Variants in BCL2A1 observed in about 807,000 individuals in gnomAD.
BCL2A1 encodes BCL2 related protein A1.
BCL2A1 carries 10 observed loss-of-function variants against 14.4 expected under a neutral mutation model. That is an observed-to-expected ratio of 0.69 (90% CI 0.43 to 1.18). The LOEUF (loss-of-function observed/expected upper bound fraction) is 1.18, where lower values mean the gene tolerates loss of function less well. Ranked by LOEUF, BCL2A1 falls within the 50% of genes most tolerant of loss-of-function variation. The probability of loss-of-function intolerance (pLI) is 0.00; values close to 1 mark genes in which losing one functional copy is unlikely to be tolerated. For synonymous variants in BCL2A1, 71 were observed against 76.5 expected, an observed-to-expected ratio of 0.93 and a Z score of 0.38; for missense variants, 158 against 205.0, an observed-to-expected ratio of 0.77 and a Z score of 1.40.
In BCL2A1 at chr15:79,970,932, GACACA is replaced by G. The variant is rs2141709305; in HGVS notation, c.183_187del (p.Val62ArgfsTer17). The G allele has an allele frequency of 1.2e-6, 2 of 1,614,196 alleles. No homozygotes were observed. Among genetic ancestry groups the G allele is most frequent in the East Asian group, 4.5e-5 (2 of 44,886 alleles). On this transcript the variant is annotated frameshift_variant, in exon 1 of 2. Coordinates refer to ENST00000267953, the MANE Select transcript of BCL2A1 (RefSeq NM_004049.4). LOFTEE classifies it high-confidence loss of function. ...GAATAGTGTTCTGGCAGTGTCTACG[GACACA>G]ACATTAACATTGTCCAAGCATGACT... is the stretch of plus-strand genomic sequence containing the variant.
At chr15:79,965,071 A>T (rs2035526470) in intron 1 of BCL2A1, among the ~76,000 whole-genome samples, 1 of 152,162 alleles carries the variant, frequency 6.6e-6, no homozygotes, top group South Asian at 2.1e-4. Flanking sequence ...TTCCCAGGGT[A>T]AAAGGGCAGC....
At position 79,961,057 on chromosome 15, in the gene BCL2A1, TC is replaced by T. The variant is rs752320765; in HGVS notation, c.*9del. The T allele has an allele frequency of 1.2e-6, 2 of 1,613,774 alleles. No homozygotes were observed. Among genetic ancestry groups the T allele is most frequent in the African/African-American group, 2.7e-5 (2 of 75,044 alleles). On this transcript the variant is annotated 3_prime_UTR_variant, in exon 2 of 2. Coordinates refer to ENST00000267953, the MANE Select transcript of BCL2A1 (RefSeq NM_004049.4). ...TAGGCCGGTTTCACAATATGGAGTGTCCTTTCTGGTCAACAGTATTGCTTCA... is the reference window on the plus strand; with the variant it reads ...TAGGCCGGTTTCACAATATGGAGTGTCTTTCTGGTCAACAGTATTGCTTCA...
At chr15:79,965,628 C>T (rs1322818111) in intron 1 of BCL2A1, among the ~76,000 whole-genome samples, 3 of 152,102 alleles carry the variant, frequency 2.0e-5, no homozygotes, top group Non-Finnish European at 2.9e-5. Context: ...CTATGAGAGA[C>T]AGGAGTCCAG....
chr15:79,963,748 AG>A (rs1463779522), intron 1 of BCL2A1, among the ~76,000 whole-genome samples: 1 of 152,188 alleles, frequency 6.6e-6, no homozygotes, highest in African/African-American at 2.4e-5. Flanking sequence ...ATTGGAGGGT[AG>A]GGGGCACCAG....
rs561688845 is a variant in BCL2A1, at chr15:79,970,121, C to T, written c.420+579G>A. ...TTTTAATCAACAAACTTTAACAGCC[C>T]GGAATTTATTATTAGTAATAATGTG... On this transcript the variant is annotated intron_variant, in intron 1 of 1. Transcript: ENST00000267953. 7.4e-4 allele frequency among the ~76,000 whole-genome samples: 112 copies of T among 151,512 alleles called. 4 individuals carry two copies. The South Asian group carries it at 0.021, about 28-fold the overall frequency.
intron 1 of BCL2A1, 85 bp downstream of exon 1, chr15:79,970,615 T>A: frequency 7.4e-7 from 1 of 1,355,514 alleles, no homozygotes; most frequent in Non-Finnish European, 1.0e-6. Flanking sequence ...AGGTAAAGTG[T>A]TTTGTTGTTG....
chr15:79,969,145 T>C (rs1360411127), intron 1 of BCL2A1, among the ~76,000 whole-genome samples: 1 of 151,874 alleles, frequency 6.6e-6, no homozygotes, highest in African/African-American at 2.4e-5. Context: ...AAACAAGAAT[T>C]GAAACAAGAT....
chr15:79,970,084 C>T (rs909683989), intron 1 of BCL2A1, among the ~76,000 whole-genome samples: 4 of 151,782 alleles, frequency 2.6e-5, no homozygotes, highest in African/African-American at 9.7e-5. Flanking sequence ...GCTGGTCATA[C>T]AGTATATTAT....
At chr15:79,967,302 C>T (rs535392285) in intron 1 of BCL2A1, among the ~76,000 whole-genome samples, 5 of 151,240 alleles carry the variant, frequency 3.3e-5, no homozygotes, top group South Asian at 2.1e-4. Flanking sequence ...CTGCAACCTC[C>T]GCCTCCCAGG....
intron 1 of BCL2A1, among the ~76,000 whole-genome samples, chr15:79,961,943 A>G (rs1001799893): frequency 2.6e-5 from 4 of 152,194 alleles, no homozygotes; most frequent in Non-Finnish European, 5.9e-5. Context: ...CGAGGCCCAG[A>G]AAAATAAGTT....
At chr15:79,970,029 T>C (rs1465595962) in intron 1 of BCL2A1, among the ~76,000 whole-genome samples, 1 of 152,142 alleles carries the variant, frequency 6.6e-6, no homozygotes, top group Non-Finnish European at 1.5e-5. Context: ...TAGGCACTGA[T>C]AATAAAGTAA....
At chr15:79,961,364 A>G (rs1331565438) in intron 1 of BCL2A1, among the ~76,000 whole-genome samples, 190 bp from the exon 2 acceptor site, 1 of 152,196 alleles carries the variant, frequency 6.6e-6, no homozygotes, top group Non-Finnish European at 1.5e-5. Flanking sequence ...TTGTAGCCAT[A>G]TTTTACAAAG....
At chr15:79,966,890 T>C (rs2035546680) in intron 1 of BCL2A1, among the ~76,000 whole-genome samples, 1 of 151,000 alleles carries the variant, frequency 6.6e-6, no homozygotes, top group African/African-American at 2.4e-5. Flanking sequence ...CGAAAGAGAT[T>C]ATGAGTCCTA....
intron 1 of BCL2A1, among the ~76,000 whole-genome samples, chr15:79,970,299 A>G (rs2141708641): frequency 6.6e-6 from 1 of 152,330 alleles, no homozygotes; most frequent in East Asian, 1.9e-4. Context: ...AAATAACAGC[A>G]TCTGATAGCA....
intron 1 of BCL2A1, among the ~76,000 whole-genome samples, chr15:79,967,072 C>T (rs926918291): frequency 2.6e-5 from 4 of 152,042 alleles, no homozygotes; most frequent in African/African-American, 9.7e-5. Context: ...CAATATTTTC[C>T]TGTTTTTACA....
rs572091460 is a variant in BCL2A1, at chr15:79,963,965, GA to G, written c.421-2792del. The stretch of plus-strand genomic sequence containing the variant: ...TGAAAATATCTACAATATGTCACAG[GA>G]AAAAACTCTTGTGCACCCTAATTAT... On this transcript the variant is annotated intron_variant, in intron 1 of 1. Coordinates refer to ENST00000267953, the MANE Select transcript of BCL2A1 (RefSeq NM_004049.4). Among the ~76,000 whole-genome samples, 217 of 152,220 alleles carry G rather than the reference GA, an allele frequency of 1.4e-3. 2 individuals carry two copies. The highest frequency in any genetic ancestry group is 0.014 in the Middle Eastern group (4 of 294).
chr15:79,968,397 CAT>C (rs2035564154), intron 1 of BCL2A1, among the ~76,000 whole-genome samples: 1 of 152,162 alleles, frequency 6.6e-6, no homozygotes, highest in African/African-American at 2.4e-5. Context: ...CATGACAAAA[CAT>C]TTCACATGAT....
intron 1 of BCL2A1, chr15:79,967,757 AGAT>A (rs2035556215): frequency 2.8e-6 from 3 of 1,054,704 alleles, no homozygotes; most frequent in African/African-American, 1.6e-5. Context: ...CACTATGAAA[AGAT>A]GATAACAGTT....
intron 1 of BCL2A1, among the ~76,000 whole-genome samples, chr15:79,965,236 T>A (rs2035529365): frequency 1.3e-5 from 2 of 152,190 alleles, no homozygotes; most frequent in African/African-American, 4.8e-5. Flanking sequence ...CAAGCAATTC[T>A]CCTGCCTCAG....
Sources: allele counts gnomAD v4.1 joint callset (sites outside exome capture counted in the v4.1 genomes callset), GRCh38; gene constraint gnomAD v4.1.1; transcripts MANE v1.5; gene names NCBI Gene and HGNC (gene_info 2026-07-23, HGNC 2026-07-21).